MEIS1: variants seen among roughly 807,000 people sequenced by gnomAD.
MEIS1 encodes the protein Meis homeobox 1, also known as homeobox protein Meis1.
In MEIS1, 5 loss-of-function variants were observed where a neutral mutation model predicts 50.8. The ratio of observed to expected loss-of-function variants is 0.10; its 90% confidence interval spans 0.05 to 0.21. The LOEUF is 0.21. MEIS1 is among the 10% of genes least tolerant of loss of function. MEIS1 has a pLI of 1.00. For synonymous variants in MEIS1, 176 were observed against 179.3 expected (o/e 0.98, Z 0.15); for missense variants, 318 against 517.3 (o/e 0.61, Z 3.74).
rs1016496678 is a variant in MEIS1 at position 66,527,355 on chromosome 2, A to C, written c.888+15061A>C. 3.3e-5 allele frequency among the ~76,000 whole-genome samples: 5 copies of C among 152,130 alleles called. No homozygotes were observed. In the East Asian group the frequency reaches 5.8e-4, roughly 18 times the overall value. The stretch of plus-strand genomic sequence containing the variant: ...GAGCTTACCACTTCCATACCCTGAC[A>C]CTTAAAATTATGACTTGTTATTGTT... On this transcript the variant is annotated intron_variant, in intron 8 of 12. Coordinates refer to ENST00000272369, the MANE Select transcript of MEIS1 (RefSeq NM_002398.3).
intron 7 of MEIS1, among the ~76,000 whole-genome samples, chr2:66,481,273 A>C (rs1245359786): frequency 1.3e-5 from 2 of 152,250 alleles, no homozygotes; most frequent in African/African-American, 4.8e-5. Flanking sequence ...TTCTGGTGCT[A>C]GGAAAGACTT....
chr2:66,459,577 T>C (rs1672472533), intron 6 of MEIS1, among the ~76,000 whole-genome samples: 1 of 152,104 alleles, frequency 6.6e-6, no homozygotes, highest in Non-Finnish European at 1.5e-5. Context: ...TTGGGAGTGA[T>C]GAGGGCCTTA....
In MEIS1 at chr2:66,510,004, G is replaced by A. The variant is rs532237376; in HGVS notation, c.743-2145G>A. On this transcript the variant is annotated intron_variant, in intron 7 of 12. Coordinates refer to ENST00000272369, the MANE Select transcript of MEIS1 (RefSeq NM_002398.3). ...TTTTAAAGGTGGAAAATAATCATGG[G>A]GAGGTGGTGAAAACAGTATTGTAAG... Among the ~76,000 whole-genome samples, 18 of 152,276 alleles carry A rather than the reference G, an allele frequency of 1.2e-4. No individual in the cohort carries two copies. In the South Asian group the frequency reaches 1.2e-3, roughly 11 times the overall value.
At chr2:66,442,062 C>T (rs1019452087) in intron 5 of MEIS1, among the ~76,000 whole-genome samples, 2 of 152,118 alleles carry the variant, frequency 1.3e-5, no homozygotes, top group Non-Finnish European at 2.9e-5. Flanking sequence ...CACCTTCACA[C>T]TCAAGAAAGG....
intron 9 of MEIS1, among the ~76,000 whole-genome samples, chr2:66,560,495 A>G (rs1675185759): frequency 6.6e-6 from 1 of 151,610 alleles, no homozygotes; most frequent in African/African-American, 2.4e-5. Flanking sequence ...CTGAAGTGGG[A>G]GGATCACTCG....
intron 1 of MEIS1, chr2:66,436,921 C>G (rs1332888220): frequency 2.1e-6 from 2 of 970,808 alleles, no homozygotes; most frequent in Non-Finnish European, 2.4e-6. Context: ...TGTGCATTTG[C>G]TTTTGAATTT....
In MEIS1 at chr2:66,435,991, C is replaced by T. The variant is rs191017826; in HGVS notation, c.12+123C>T. ...TTTTAAAAAATGAGGCTCCTAAAGCCGTGGCCTAAGCGAGAGGATTTATTC... is the reference window on the plus strand; with the variant it reads ...TTTTAAAAAATGAGGCTCCTAAAGCTGTGGCCTAAGCGAGAGGATTTATTC... On this transcript the variant is annotated intron_variant, in intron 1 of 12. Transcript: ENST00000272369. 20 of 793,194 alleles carry T rather than the reference C, an allele frequency of 2.5e-5. No individual in the cohort carries two copies. The Admixed American group carries it at 4.0e-4, about 16-fold the overall frequency. 49.1% of individuals were successfully genotyped at this position (793,194 alleles called of 1,614,324 possible).
intron 8 of MEIS1, among the ~76,000 whole-genome samples, chr2:66,527,978 C>G (rs1674298805): frequency 1.3e-5 from 2 of 152,094 alleles, no homozygotes; most frequent in Admixed American, 6.6e-5. Flanking sequence ...GGGCATGGAT[C>G]TAATCTCTGG....
chr2:66,530,063 G>A (rs1237178756), intron 8 of MEIS1, among the ~76,000 whole-genome samples: 3 of 152,088 alleles, frequency 2.0e-5, no homozygotes, highest in African/African-American at 7.2e-5. Context: ...GAAGAAGGCT[G>A]CTATTCTCCT....
At position 66,449,860 on chromosome 2, in the gene MEIS1, A is replaced by G. The variant is rs116668687; in HGVS notation, c.630+6812A>G. On this transcript the variant is annotated intron_variant, in intron 6 of 12. Transcript: ENST00000272369. ...ATTTTCCAATTATTTTATATTCTTG[A>G]CTTCTTGGTTCAGAGTTTCTAAAAC... Among the ~76,000 whole-genome samples the G allele has an allele frequency of 4.3e-3, 647 of 152,230 alleles. 4 individuals carry two copies. In the Middle Eastern group the frequency reaches 0.054, roughly 13 times the overall value.
chr2:66,489,016 A>T (rs1219573947), intron 7 of MEIS1, among the ~76,000 whole-genome samples: 4 of 152,234 alleles, frequency 2.6e-5, no homozygotes, highest in Admixed American at 1.3e-4. Flanking sequence ...AGAAGATTAC[A>T]CTGCTACAGG....
At chr2:66,490,595 T>C (rs2103805693) in intron 7 of MEIS1, among the ~76,000 whole-genome samples, 1 of 152,326 alleles carries the variant, frequency 6.6e-6, no homozygotes, top group Non-Finnish European at 1.5e-5. Flanking sequence ...GAGACCTTTC[T>C]TTTTTTCTTT....
chr2:66,493,030 G>A (rs1239817139), intron 7 of MEIS1, among the ~76,000 whole-genome samples: 2 of 152,118 alleles, frequency 1.3e-5, no homozygotes, highest in Non-Finnish European at 2.9e-5. Context: ...AATTTGAGGG[G>A]CGGACTTTGG....
At chr2:66,459,683 G>T (rs1048726574) in intron 6 of MEIS1, among the ~76,000 whole-genome samples, 1 of 152,110 alleles carries the variant, frequency 6.6e-6, no homozygotes, top group Non-Finnish European at 1.5e-5. Flanking sequence ...GATTGAATGG[G>T]GAGGTGGAGA....
At chr2:66,528,470 C>T (rs79464024) in intron 8 of MEIS1, among the ~76,000 whole-genome samples, 6,709 of 152,120 alleles carry the variant, frequency 0.044, 235 homozygotes, top group East Asian at 0.16. Flanking sequence ...CTGTCAGCGT[C>T]GTCTCAGTTC....
chr2:66,509,653 C>T (rs1171141338), intron 7 of MEIS1, among the ~76,000 whole-genome samples: 3 of 152,208 alleles, frequency 2.0e-5, no homozygotes, highest in African/African-American at 7.2e-5. Context: ...CCTAATGCTT[C>T]TGCTTTCATA....
chr2:66,452,086 G>A (rs1211749579), intron 6 of MEIS1, among the ~76,000 whole-genome samples: 1 of 151,844 alleles, frequency 6.6e-6, no homozygotes, highest in African/African-American at 2.4e-5. Context: ...AATCAGAACA[G>A]AAACTTTAGC....
intron 7 of MEIS1, among the ~76,000 whole-genome samples, chr2:66,468,115 T>C (rs1672682818): frequency 6.6e-6 from 1 of 152,124 alleles, no homozygotes; most frequent in Non-Finnish European, 1.5e-5. Flanking sequence ...TAGGATGGGG[T>C]GTCTGTTTCC....
intron 6 of MEIS1, among the ~76,000 whole-genome samples, chr2:66,446,270 G>A (rs938815974): frequency 3.9e-5 from 6 of 152,192 alleles, no homozygotes; most frequent in African/African-American, 1.4e-4. Flanking sequence ...GGAGAGGCCT[G>A]GCCACCCAGT....
Sources: allele counts gnomAD v4.1 joint callset (sites outside exome capture counted in the v4.1 genomes callset), GRCh38; gene constraint gnomAD v4.1.1; transcripts MANE v1.5; gene names NCBI Gene and HGNC (gene_info 2026-07-23, HGNC 2026-07-21).